The following NSD2 variants were observed in gnomAD, a reference collection of about 807,000 sequenced individuals.
The protein encoded by NSD2 is histone-lysine N-methyltransferase NSD2.
Under a neutral mutation model 139.0 loss-of-function variants are expected in NSD2, and 12 were observed. The observed-to-expected ratio is 0.09, with a 90% CI of 0.06 to 0.14. The LOEUF (loss-of-function observed/expected upper bound fraction) is 0.14. Ranked by LOEUF, NSD2 falls within the 10% of genes least tolerant of loss-of-function variation. NSD2 has a pLI of 1.00. For synonymous variants in NSD2, 669 were observed against 648.7 expected, an observed-to-expected ratio of 1.03 and a Z score of -0.48; for missense variants, 1,155 against 1,745.0, an observed-to-expected ratio of 0.66 and a Z score of 6.02.
At position 1,974,327 on chromosome 4, in the gene NSD2, C is replaced by T. The variant is rs1357437157; in HGVS notation, c.3373-536C>T. On this transcript the variant is annotated intron_variant, in intron 18 of 21. Coordinates refer to ENST00000508803, the MANE Select transcript of NSD2 (RefSeq NM_001042424.3). The surrounding 1 kb of genome is among the most constrained non-coding windows in gnomAD (Gnocchi z 4.0). ...CCGGGTTCAAGTGATTCTCCTGCCT[C>T]AGCCTCCCGAGTAGCTGAGATTACA... is the stretch of plus-strand genomic sequence containing the variant. Among the ~76,000 whole-genome samples, 1 of 152,100 alleles carries T rather than the reference C, an allele frequency of 6.6e-6. No individual in the cohort carries two copies. Among genetic ancestry groups the T allele is most frequent in the Non-Finnish European group, 1.5e-5 (1 of 68,012 alleles).
intron 6 of NSD2, among the ~76,000 whole-genome samples, chr4:1,931,337 G>A (rs538447754): frequency 6.6e-6 from 1 of 152,182 alleles, no homozygotes; most frequent in East Asian, 1.9e-4. Context: ...CTAGGCCTTC[G>A]GCTTAAAAAA....
At chr4:1,969,850 TAGCC>T (rs1726261783) in intron 18 of NSD2, among the ~76,000 whole-genome samples, 1 of 152,178 alleles carries the variant, frequency 6.6e-6, no homozygotes, top group African/African-American at 2.4e-5. Flanking sequence ...GATTCAGAGA[TAGCC>T]AGGCAGAAAG....
In NSD2 at chr4:1,963,521, A is replaced by G. The variant is rs555112421; in HGVS notation, c.3372+2370A>G. Reference sequence around the variant, plus strand: ...ATGTTTTGGAGTCTAAATGTAAACTACTTATGTGCTGTAAGAAATGCCAAG... The same window carrying G: ...ATGTTTTGGAGTCTAAATGTAAACTGCTTATGTGCTGTAAGAAATGCCAAG... On this transcript the variant is annotated intron_variant, in intron 18 of 21. Transcript: ENST00000508803. Among the ~76,000 whole-genome samples, 8 of 152,334 alleles carry G rather than the reference A, an allele frequency of 5.3e-5. No homozygotes were observed. The South Asian group carries it at 1.7e-3, about 32-fold the overall frequency.
chr4:1,907,511 A>G (rs1316247761), intron 3 of NSD2, among the ~76,000 whole-genome samples: 2 of 151,872 alleles, frequency 1.3e-5, no homozygotes, highest in Non-Finnish European at 2.9e-5. Flanking sequence ...TATTTTTTTA[A>G]TCTATTTTAA....
chr4:1,947,538 G>T, intron 9 of NSD2: 1 of 1,053,926 alleles, frequency 9.5e-7, no homozygotes, highest in Non-Finnish European at 1.1e-6. Flanking sequence ...AAATTGTTAT[G>T]AACTATAGTA....
chr4:1,920,232 C>G (rs555068998), intron 5 of NSD2, among the ~76,000 whole-genome samples: 1 of 152,150 alleles, frequency 6.6e-6, no homozygotes, highest in African/African-American at 2.4e-5. Context: ...GGCAGATCAC[C>G]TGAGGTTAGG....
At chr4:1,884,034 A>G (rs1714899606) in intron 1 of NSD2, among the ~76,000 whole-genome samples, 2 of 152,220 alleles carry the variant, frequency 1.3e-5, no homozygotes, top group South Asian at 4.1e-4. Flanking sequence ...CACTACCCAC[A>G]ATGAAAACTT....
intron 5 of NSD2, among the ~76,000 whole-genome samples, chr4:1,930,299 CA>C (rs1721486463): frequency 6.6e-6 from 1 of 152,168 alleles, no homozygotes; most frequent in African/African-American, 2.4e-5. Context: ...GCTAATTTTT[CA>C]GGGGTGCCTA....
In NSD2 at chr4:1,978,702, C is replaced by G; in HGVS notation, c.3891C>G (p.His1297Gln). 6.2e-7 allele frequency: 1 copy of G among 1,614,152 alleles called. No individual in the cohort carries two copies. Among genetic ancestry groups the G allele is most frequent in the Non-Finnish European group, 8.5e-7 (1 of 1,180,004 alleles). ...GCAAACCTTCGACTTCATTTTGCCA[C>G]CTCTGCCCCAATTCGTTCTGTAAGG... ...VCGKPSTSFC[H>Q]LCPNSFCKEH... The change falls in exon 22 of 22, where the codon CAC becomes CAG. Residue 1297 changes from histidine (H) to glutamine (Q), a missense_variant. His to Gln is a conservative substitution (Grantham distance 24). Transcript: ENST00000508803.
At chr4:1,929,920 A>ACT (rs1254645168) in intron 5 of NSD2, among the ~76,000 whole-genome samples, 2 of 152,118 alleles carry the variant, frequency 1.3e-5, no homozygotes, top group Non-Finnish European at 2.9e-5. Flanking sequence ...TACCAGGTGG[A>ACT]GCGAAGTCCC....
chr4:1,980,272 C>T lies in NSD2; in HGVS notation c.*1363C>T, dbSNP rs1198046086. The stretch of plus-strand genomic sequence containing the variant: ...ACTACATATGTTTTAAGACTTGGTT[C>T]TTTTTTTGAGGGATCCTTGACCCTG... On this transcript the variant is annotated 3_prime_UTR_variant, in exon 22 of 22. Coordinates refer to ENST00000508803, the MANE Select transcript of NSD2 (RefSeq NM_001042424.3). The T allele has an allele frequency of 4.3e-6, 1 of 232,972 alleles. No individual in the cohort carries two copies. The highest frequency in any genetic ancestry group is 2.2e-5 in the African/African-American group (1 of 45,298). The allele number at this position is 232,972 out of a possible 1,614,324, so 14.4% of individuals were successfully genotyped here. A position where few individuals can be genotyped will look rare whatever the true frequency, so the allele number is the denominator to read the frequency against.
intron 1 of NSD2, among the ~76,000 whole-genome samples, chr4:1,899,807 C>G (rs1007793920): frequency 6.6e-6 from 1 of 152,246 alleles, no homozygotes; most frequent in Non-Finnish European, 1.5e-5. Context: ...GTGTGGTGCA[C>G]TGGCAAAGTA....
At chr4:1,941,633 C>T in intron 9 of NSD2, 1 of 1,037,756 alleles carries the variant, frequency 9.6e-7, no homozygotes, top group Non-Finnish European at 1.2e-6. Flanking sequence ...AATTAATACA[C>T]CTTCCTACAT....
chr4:1,936,563 C>T (rs1308660331), intron 7 of NSD2, among the ~76,000 whole-genome samples: 4 of 148,800 alleles, frequency 2.7e-5, no homozygotes, highest in Admixed American at 1.4e-4. Context: ...CTCAGCTACT[C>T]GGGATGAGGC....
intron 1 of NSD2, among the ~76,000 whole-genome samples, chr4:1,892,556 A>G (rs1715664337): frequency 1.3e-5 from 2 of 151,558 alleles, no homozygotes; most frequent in Admixed American, 1.3e-4. Flanking sequence ...TCCCCCTTAG[A>G]AAACCACTGA....
intron 9 of NSD2, chr4:1,945,325 G>A: frequency 9.4e-7 from 1 of 1,065,990 alleles, no homozygotes; most frequent in African/African-American, 1.6e-5. Context: ...CTGTGTGAGA[G>A]CCATGCTGTC....
intron 18 of NSD2, among the ~76,000 whole-genome samples, chr4:1,969,703 C>G (rs1431259854): frequency 6.6e-6 from 1 of 152,196 alleles, no homozygotes; most frequent in Non-Finnish European, 1.5e-5. Context: ...GATTCTGTCT[C>G]TAAAACAAAC....
chr4:1,917,185 C>G (rs2108800981), intron 4 of NSD2, 148 bp downstream of exon 4: 1 of 899,930 alleles, frequency 1.1e-6, no homozygotes, highest in Non-Finnish European at 1.6e-6. Context: ...CCCAAGGATG[C>G]CATGTTACAA....
intron 6 of NSD2, 128 bp from the exon 7 acceptor site, chr4:1,935,013 TCAG>T (rs1722222733): frequency 1.9e-6 from 1 of 515,824 alleles, no homozygotes; most frequent in Non-Finnish European, 3.4e-6. Flanking sequence ...GCCCTGGAAA[TCAG>T]CAGGGTTACA....
Sources: gnomAD v4.1 joint callset for allele counts (sites outside exome capture counted in the v4.1 genomes callset) on GRCh38, gnomAD v4.1.1 for gene constraint, Gnocchi (gnomAD v3.1) non-coding constraint, MANE v1.5 for transcripts, NCBI Gene and HGNC (gene_info 2026-07-23, HGNC 2026-07-21) for gene names.